EIF4G3: variants seen among roughly 807,000 people sequenced by gnomAD.
EIF4G3 encodes the protein eIF-4-gamma 3.
In EIF4G3, 34 loss-of-function variants were observed where a neutral mutation model predicts 186.4. The ratio of observed to expected loss-of-function variants is 0.18; its 90% CI spans 0.14 to 0.24. The LOEUF (loss-of-function observed/expected upper bound fraction) is 0.24, where lower values mean the gene tolerates loss of function less well. Ranked by LOEUF, EIF4G3 falls within the 10% of genes least tolerant of loss-of-function variation. The probability of loss-of-function intolerance (pLI) is 1.00; values close to 1 mark genes in which losing one functional copy is unlikely to be tolerated. For missense variants in EIF4G3, 1,536 were observed against 1,948.5 expected, an observed-to-expected ratio of 0.79 and a Z score of 3.99; for synonymous variants, 673 against 679.5, an observed-to-expected ratio of 0.99 and a Z score of 0.15.
At chr1:20,824,733 AG>A (rs1362136982) in intron 33 of EIF4G3, among the ~76,000 whole-genome samples, 1 of 152,168 alleles carries the variant, frequency 6.6e-6, no homozygotes, top group Non-Finnish European at 1.5e-5. Context: ...CTACCTTATA[AG>A]GGTATTAATG....
chr1:21,156,842 G>A (rs1191530356), intron 2 of EIF4G3, among the ~76,000 whole-genome samples: 4 of 152,050 alleles, frequency 2.6e-5, no homozygotes, highest in Admixed American at 1.3e-4. Flanking sequence ...TGGGAGGCTG[G>A]AGCCAGAGGA....
chr1:21,013,583 G>C (rs899594315), intron 4 of EIF4G3, among the ~76,000 whole-genome samples: 1 of 152,142 alleles, frequency 6.6e-6, no homozygotes, highest in African/African-American at 2.4e-5. Context: ...AGAGCTACAG[G>C]GATGTCACCG....
chr1:21,013,334 C>T (rs752010999), intron 4 of EIF4G3, among the ~76,000 whole-genome samples: 4 of 151,852 alleles, frequency 2.6e-5, no homozygotes, highest in Non-Finnish European at 5.9e-5. Context: ...GTAAGGCAGC[C>T]ACAGAAAAAA....
chr1:20,819,166 G>A (rs186391989), intron 33 of EIF4G3, among the ~76,000 whole-genome samples: 7 of 152,040 alleles, frequency 4.6e-5, no homozygotes, highest in Non-Finnish European at 1.0e-4. Context: ...ATGCAAAAAA[G>A]CACAACATGA....
At chr1:21,084,492 G>A (rs538265810) in intron 3 of EIF4G3, among the ~76,000 whole-genome samples, 1 of 152,044 alleles carries the variant, frequency 6.6e-6, no homozygotes, top group African/African-American at 2.4e-5. Context: ...CCTCCCACCA[G>A]GTCCCTCCCC....
intron 13 of EIF4G3, among the ~76,000 whole-genome samples, chr1:20,947,172 C>G (rs1310389704): frequency 6.6e-6 from 1 of 151,940 alleles, no homozygotes; most frequent in Non-Finnish European, 1.5e-5. Flanking sequence ...CATGGCAAAA[C>G]CTCGCCTCTA....
intron 14 of EIF4G3, among the ~76,000 whole-genome samples, chr1:20,932,290 T>C (rs555009461): frequency 6.8e-4 from 103 of 152,316 alleles, no homozygotes; most frequent in African/African-American, 2.3e-3. Context: ...GCTGGTTTGA[T>C]CTATCCAGAC....
chr1:21,153,851 C>T (rs2097589024), intron 2 of EIF4G3, among the ~76,000 whole-genome samples: 1 of 152,140 alleles, frequency 6.6e-6, no homozygotes. Flanking sequence ...AGGCGTGAGC[C>T]ACCGAGACCG....
Position 21,091,380 on chromosome 1 carries a change from C to T in EIF4G3, c.-271-2167G>A, listed in dbSNP as rs916505116. On this transcript the variant is annotated intron_variant, in intron 2 of 36. Coordinates refer to ENST00000602326, the MANE Select transcript of EIF4G3 (RefSeq NM_001391906.1). Reference sequence around the variant, plus strand: ...TTTGCAATGTTGCCCAGGCTGGTCTCGAACTCCTGAGCTCAGGCAATCCAC... The same window carrying T: ...TTTGCAATGTTGCCCAGGCTGGTCTTGAACTCCTGAGCTCAGGCAATCCAC... Among the ~76,000 whole-genome samples the T allele has an allele frequency of 3.9e-5, 6 of 152,050 alleles. No individual in the cohort carries two copies. The East Asian group carries it at 7.7e-4, about 20-fold the overall frequency.
intron 2 of EIF4G3, among the ~76,000 whole-genome samples, chr1:21,136,903 G>A (rs2097256057): frequency 6.6e-6 from 1 of 152,164 alleles, no homozygotes; most frequent in African/African-American, 2.4e-5. Flanking sequence ...GACAAGGTGT[G>A]CTGTTACTGT....
At chr1:20,899,581 T>A (rs1014695139) in intron 16 of EIF4G3, 116 bp downstream of exon 16, 3 of 1,309,574 alleles carry the variant, frequency 2.3e-6, no homozygotes, top group Non-Finnish European at 3.1e-6. Context: ...CCTGTAAATA[T>A]TATATTGTGA....
chr1:21,098,325 T>C (rs2096428570), intron 2 of EIF4G3, among the ~76,000 whole-genome samples: 2 of 151,912 alleles, frequency 1.3e-5, no homozygotes, highest in Admixed American at 6.6e-5. Context: ...GTGAACTGCT[T>C]GAGTCCAGGA....
intron 2 of EIF4G3, among the ~76,000 whole-genome samples, chr1:21,156,825 C>T (rs773667368): frequency 8.6e-5 from 13 of 152,040 alleles, no homozygotes; most frequent in Admixed American, 5.2e-4. Context: ...CTGTTAATCC[C>T]GCACTTTGGG....
chr1:21,004,928 G>A (rs1478408468), intron 4 of EIF4G3, among the ~76,000 whole-genome samples: 4 of 152,028 alleles, frequency 2.6e-5, no homozygotes, highest in African/African-American at 9.7e-5. Context: ...ACATCAGATT[G>A]ATTTCCTTTC....
intron 14 of EIF4G3, among the ~76,000 whole-genome samples, chr1:20,923,982 C>A (rs187265728): frequency 4.1e-4 from 62 of 152,092 alleles, no homozygotes; most frequent in Admixed American, 1.4e-3. Context: ...ATCTATTAAC[C>A]AATTTAATTC....
At position 20,969,489 on chromosome 1, in the gene EIF4G3, T is replaced by C. The variant is rs2075389996; in HGVS notation, c.699A>G (p.Thr233=). Residue 233 remains threonine, a synonymous_variant, in exon 12 of 37, where the codon ACA becomes ACG. Coordinates refer to ENST00000602326, the MANE Select transcript of EIF4G3 (RefSeq NM_001391906.1). ...PTPPIGRPTS[T]PTPPQQLPSQ... Reference sequence around the variant, plus strand: ...TCTGTCTTACCTGAGGAGGAGTAGGTGTGGACGTGGGTCTTCCTATGGGTG... The same window carrying C: ...TCTGTCTTACCTGAGGAGGAGTAGGCGTGGACGTGGGTCTTCCTATGGGTG... 6.2e-7 allele frequency: 1 copy of C among 1,613,730 alleles called. No homozygotes were observed. The highest frequency in any genetic ancestry group is 2.2e-5 in the East Asian group (1 of 44,874).
rs71014146 is a variant in EIF4G3, at chr1:21,017,627, C to CAA, written c.-66-14821_-66-14820dup. ...TGGATGACAGAGCAAGACTCCGTCT[C>CAA]AAAAAAAAAAAAAAAAAAAAAAAAA... On this transcript the variant is annotated intron_variant, in intron 4 of 36. Transcript: ENST00000602326. 2.4e-3 allele frequency among the ~76,000 whole-genome samples: 119 copies of CAA among 49,212 alleles called. 5 individuals are homozygous for CAA. In the South Asian group the frequency reaches 0.029, roughly 12 times the overall value. 32.3% of individuals were successfully genotyped at this position (49,212 alleles called of 152,430 possible).
intron 4 of EIF4G3, among the ~76,000 whole-genome samples, chr1:21,012,210 G>T (rs186019411): frequency 3.7e-4 from 57 of 152,036 alleles, no homozygotes; most frequent in African/African-American, 1.3e-3. Context: ...AAGGGTTTCG[G>T]GACAGTCGTT....
intron 25 of EIF4G3, 146 bp downstream of exon 25, chr1:20,857,257 C>G (rs1392417461): frequency 1.5e-6 from 1 of 655,894 alleles, no homozygotes; most frequent in East Asian, 2.6e-5. Flanking sequence ...ATAACCACCC[C>G]ATGGATTTGC....
Sources: gnomAD v4.1 joint callset for allele counts (sites outside exome capture counted in the v4.1 genomes callset) on GRCh38, gnomAD v4.1.1 for gene constraint, MANE v1.5 for transcripts, NCBI Gene and HGNC (gene_info 2026-07-23, HGNC 2026-07-21) for gene names.